SETD1B: variants seen among roughly 807,000 people sequenced by gnomAD.
The protein encoded by SETD1B is histone-lysine N-methyltransferase SETD1B.
Under a neutral mutation model 148.0 loss-of-function variants are expected in SETD1B, and 7 were observed. That is an observed-to-expected ratio of 0.05 (90% CI 0.03 to 0.09). The LOEUF is 0.09. SETD1B is among the 10% of genes least tolerant of loss of function. The pLI, the probability that SETD1B is intolerant of heterozygous loss-of-function variation, is 1.00. For synonymous variants in SETD1B, 1,361 were observed against 1,186.5 expected (o/e 1.15, Z -3.02); for missense variants, 2,155 against 2,729.9 (o/e 0.79, Z 4.69).
chr12:121,792,879 G>C, the SETD1B span, among the ~76,000 whole-genome samples: 4 of 152,252 alleles, frequency 2.6e-5, no homozygotes, highest in African/African-American at 9.6e-5. Flanking sequence ...CTGCTTTCTA[G>C]AACCACAGGA....
rs1000250301 is a variant in SETD1B at position 121,823,670 on chromosome 12, G to A, written c.5091G>A (p.Leu1697=). The change falls in exon 12 of 17, where the codon CTG becomes CTA. Residue 1697 remains leucine, a synonymous_variant. Transcript: ENST00000604567. The part of the protein sequence containing the change: ...GGIDEEDIRF[L]CVTYERLLQQ... ...TCGATGAGGAGGACATCCGCTTCCTGTGTGTCACCTACGAGCGACTGCTAC... is the reference window on the plus strand; with the variant it reads ...TCGATGAGGAGGACATCCGCTTCCTATGTGTCACCTACGAGCGACTGCTAC... 3.5e-5 allele frequency: 54 copies of A among 1,551,624 alleles called. No individual in the cohort carries two copies. In the East Asian group the frequency reaches 1.3e-3, roughly 37 times the overall value.
At chr12:121,806,217 C>T (rs1469905008) in intron 4 of SETD1B, 112 bp downstream of exon 4, 2 of 1,207,838 alleles carry the variant, frequency 1.7e-6, no homozygotes, top group Admixed American at 5.0e-5. Flanking sequence ...GGGATCCCCC[C>T]CCACAACCTT....
chr12:121,804,687 G>A lies in SETD1B; in HGVS notation c.-14-37G>A, dbSNP rs541374584. The stretch of plus-strand genomic sequence containing the variant: ...GTGTGTAGAAGCGGCCGCCGCCGCC[G>A]CCGCGGCGGAGACGACAACAACTTG... On this transcript the variant is annotated intron_variant, in intron 1 of 16. Coordinates refer to ENST00000604567, the MANE Select transcript of SETD1B (RefSeq NM_001353345.2). This position sits in a 1 kb window ranked among gnomAD's most constrained non-coding sequence, Gnocchi z 4.6. 25 of 1,529,932 alleles carry A rather than the reference G, an allele frequency of 1.6e-5. 1 individual carries two copies. The highest frequency in any genetic ancestry group is 2.1e-5 in the Admixed American group (1 of 46,666). 94.8% of individuals were successfully genotyped at this position (1,529,932 alleles called of 1,614,324 possible).
intron 13 of SETD1B, among the ~76,000 whole-genome samples, chr12:121,827,291 G>T (rs564220112): frequency 6.6e-6 from 1 of 152,162 alleles, no homozygotes; most frequent in Non-Finnish European, 1.5e-5. Flanking sequence ...AAAAGACAGC[G>T]CCAGGCAAGA....
At chr12:121,798,356 G>A in the SETD1B span, among the ~76,000 whole-genome samples, 2 of 152,244 alleles carry the variant, frequency 1.3e-5, no homozygotes, top group East Asian at 3.8e-4. Context: ...ATTCCCCTTT[G>A]CCCTGAGGCA....
At position 121,809,824 on chromosome 12, in the gene SETD1B, G is replaced by C; in HGVS notation, c.879G>C (p.Gln293His). The C allele has an allele frequency of 6.4e-7, 1 of 1,551,494 alleles. No individual in the cohort carries two copies. The highest frequency in any genetic ancestry group is 8.7e-7 in the Non-Finnish European group (1 of 1,146,964). Residue 293 changes from glutamine to histidine, a missense_variant, in exon 6 of 17, where the codon CAG becomes CAC. Gln to His is a conservative substitution (Grantham distance 24). This residue lies in a region of SETD1B where 376 missense variants were observed against 385.0 expected (regional missense o/e 0.98). Coordinates refer to ENST00000604567, the MANE Select transcript of SETD1B (RefSeq NM_001353345.2). ...FSQDSSYSSR[Q>H]PTPSYLFSQD... is the part of the protein sequence containing the mutation. ...AGGACTCCAGCTACTCCAGCCGCCA[G>C]CCCACACCCTCATACCTCTTCAGCC...
intron 4 of SETD1B, 54 bp downstream of exon 4, chr12:121,806,159 T>G (rs1480329813): frequency 6.6e-7 from 1 of 1,520,736 alleles, no homozygotes; most frequent in East Asian, 2.5e-5. Flanking sequence ...ACCCTTTCCC[T>G]CCCCACCCTT....
intron 6 of SETD1B, among the ~76,000 whole-genome samples, chr12:121,813,049 C>T (rs544944302): frequency 2.0e-5 from 3 of 152,242 alleles, no homozygotes; most frequent in South Asian, 4.1e-4. Flanking sequence ...CCACATTTAC[C>T]CCTCACCACC....
In SETD1B at chr12:121,830,305, CCCCGGGG is replaced by C; in HGVS notation, c.*72_*78del. Reference sequence around the variant, plus strand: ...GGACTCCCGAGCGTGGAGCCCCTGGCCCCGGGGCCCGGCCCCCCGCGCCCGCCCCCAT... The same window carrying C: ...GGACTCCCGAGCGTGGAGCCCCTGGCCCCGGCCCCCCGCGCCCGCCCCCAT... On this transcript the variant is annotated 3_prime_UTR_variant, in exon 17 of 17. Coordinates refer to ENST00000604567, the MANE Select transcript of SETD1B (RefSeq NM_001353345.2). The surrounding 1 kb of genome is among the most constrained non-coding windows in gnomAD (Gnocchi z 5.7). 4 of 1,468,652 alleles carry C rather than the reference CCCCGGGG, an allele frequency of 2.7e-6. No homozygotes were observed. Among genetic ancestry groups the C allele is most frequent in the Non-Finnish European group, 2.7e-6 (3 of 1,096,036 alleles). The allele number at this position is 1,468,652 out of a possible 1,614,324, so 91.0% of individuals were successfully genotyped here. A position where few individuals can be genotyped will look rare whatever the true frequency, so the allele number is the denominator to read the frequency against.
At chr12:121,793,937 G>C in the SETD1B span, 2 of 288,382 alleles carry the variant, frequency 6.9e-6, no homozygotes, top group African/African-American at 2.2e-5. Context: ...CCTCGCCGGC[G>C]AGACCCGATC....
At position 121,823,101 on chromosome 12, in the gene SETD1B, C is replaced by G. The variant is rs747085652; in HGVS notation, c.4522C>G (p.Leu1508Val). 10 of 1,527,848 alleles carry G rather than the reference C, an allele frequency of 6.5e-6. No individual in the cohort carries two copies. The highest frequency in any genetic ancestry group is 3.6e-5 in the South Asian group (3 of 83,018). 94.6% of individuals were successfully genotyped at this position (1,527,848 alleles called of 1,614,324 possible). ...TPLPPLLPAP[L>V]ASCPPPMKRK... ...GCTGCCACCCCTGCTGCCCGCCCCC[C>G]TGGCCTCTTGCCCTCCCCCAATGAA... Residue 1508 changes from leucine (L) to valine (V), a missense_variant, in exon 12 of 17, where the codon CTG (leucine) becomes GTG (valine). Around this residue, in one of 11 missense-constraint regions of SETD1B, gnomAD observed 862 missense variants for 873.8 expected, o/e 0.99. Coordinates refer to ENST00000604567, the MANE Select transcript of SETD1B (RefSeq NM_001353345.2).
chr12:121,797,543 C>T, the SETD1B span: 6 of 456,594 alleles, frequency 1.3e-5, no homozygotes, highest in East Asian at 2.1e-4. Flanking sequence ...GGTCCCGACA[C>T]CGTGCCGAGA....
At chr12:121,820,004 G>T (rs973695984) in intron 11 of SETD1B, 109 bp downstream of exon 11, 10 of 930,484 alleles carry the variant, frequency 1.1e-5, no homozygotes, top group Non-Finnish European at 1.6e-5. Context: ...CCCAGCCTCA[G>T]TTTCCCGTGT....
rs777899076 is a variant in SETD1B, at chr12:121,823,446, C to T, written c.4867C>T (p.Arg1623Cys). The change falls in exon 12 of 17, where the codon CGT becomes TGT. Residue 1623 changes from arginine (R) to cysteine (C), a missense_variant. Coordinates refer to ENST00000604567, the MANE Select transcript of SETD1B (RefSeq NM_001353345.2). ...WPSEAIPPGP[R>C]GRDEVTEEYM... is the part of the protein sequence containing the mutation. ...CTCCGAGGCCATTCCTCCGGGCCCC[C>T]GTGGGCGCGATGAGGTCACTGAGGA... 5.2e-6 allele frequency: 8 copies of T among 1,549,636 alleles called. No homozygotes were observed. Among genetic ancestry groups the T allele is most frequent in the South Asian group, 3.6e-5 (3 of 84,028 alleles).
chr12:121,804,940 T>G lies in SETD1B; in HGVS notation c.174+29T>G. The G allele has an allele frequency of 6.8e-7, 1 of 1,480,052 alleles. No individual in the cohort carries two copies. Among genetic ancestry groups the G allele is most frequent in the Non-Finnish European group, 9.0e-7 (1 of 1,111,586 alleles). The allele number at this position is 1,480,052 out of a possible 1,614,324, so 91.7% of individuals were successfully genotyped here. On this transcript the variant is annotated intron_variant, in intron 2 of 16. Coordinates refer to ENST00000604567, the MANE Select transcript of SETD1B (RefSeq NM_001353345.2). The surrounding 1 kb of genome is among the most constrained non-coding windows in gnomAD (Gnocchi z 4.6). ...AGTAGCCGGCGCGCCCCCCCAGCCGTGCCCCGCGTCGTGTCCGGGGAGACG... is the reference window on the plus strand; with the variant it reads ...AGTAGCCGGCGCGCCCCCCCAGCCGGGCCCCGCGTCGTGTCCGGGGAGACG...
chr12:121,797,310 G>A, the SETD1B span: 3 of 389,280 alleles, frequency 7.7e-6, no homozygotes, highest in South Asian at 1.9e-5. Flanking sequence ...CGGCCCTTCC[G>A]CTGGCGTGGC....
chr12:121,827,978 G>T lies in SETD1B; in HGVS notation c.5635G>T (p.Gly1879Trp). The T allele has an allele frequency of 6.4e-7, 1 of 1,552,048 alleles. No individual in the cohort carries two copies. The highest frequency in any genetic ancestry group is 8.7e-7 in the Non-Finnish European group (1 of 1,147,106). Residue 1879 changes from glycine to tryptophan, a missense_variant, in exon 16 of 17, where the codon GGG (glycine) becomes TGG (tryptophan). Coordinates refer to ENST00000604567, the MANE Select transcript of SETD1B (RefSeq NM_001353345.2). ...GAAGCGTTATGAGGACGAGGGCATC[G>T]GGAGCAGCTACATGTTCCGGGTGGA... is the stretch of plus-strand genomic sequence containing the variant. Reference protein sequence around the residue: ...REKRYEDEGIGSSYMFRVDHD... With the variant: ...REKRYEDEGIWSSYMFRVDHD...
chr12:121,805,225 C>T lies in SETD1B; in HGVS notation c.273+9C>T, dbSNP rs1026799969. 5.8e-6 allele frequency: 9 copies of T among 1,546,228 alleles called. No individual in the cohort carries two copies. Among genetic ancestry groups the T allele is most frequent in the Middle Eastern group, 2.2e-4 (1 of 4,576 alleles). On this transcript the variant is annotated intron_variant, in intron 3 of 16. Transcript: ENST00000604567. This position sits in a 1 kb window ranked among gnomAD's most constrained non-coding sequence, Gnocchi z 4.2. ...CGGTGCCCAAATTCAAGGTAGGACC[C>T]CTCCCCACTGCCCCGCCGTCCCTCC... is the stretch of plus-strand genomic sequence containing the variant.
rs138488004 is a variant in SETD1B, at chr12:121,823,844, C to T, written c.5170+95C>T. 4.1e-5 allele frequency: 59 copies of T among 1,440,598 alleles called. 1 individual carries two copies. The South Asian group carries it at 4.5e-4, about 11-fold the overall frequency. The allele number at this position is 1,440,598 out of a possible 1,614,324, so 89.2% of individuals were successfully genotyped here. A position where few individuals can be genotyped will look rare whatever the true frequency, so the allele number is the denominator to read the frequency against. On this transcript the variant is annotated intron_variant, in intron 12 of 16. Transcript: ENST00000604567. ...CCACCACCCAGTCTGTAGCAGCCCGCGGTGCCCATGAAGGTGACAGCATGC... is the reference window on the plus strand; with the variant it reads ...CCACCACCCAGTCTGTAGCAGCCCGTGGTGCCCATGAAGGTGACAGCATGC...
Sources: allele counts gnomAD v4.1 joint callset (sites outside exome capture counted in the v4.1 genomes callset), GRCh38; gene constraint gnomAD v4.1.1; regional missense constraint gnomAD v4.1.1; non-coding constraint Gnocchi (gnomAD v3.1); transcripts MANE v1.5; gene names NCBI Gene and HGNC (gene_info 2026-07-23, HGNC 2026-07-21).